The following TSPAN12 variants were observed in gnomAD, a reference collection of about 807,000 sequenced individuals.
TSPAN12 encodes the protein tetraspanin-12.
A neutral mutation model predicts 39.2 loss-of-function variants in TSPAN12; 19 were observed. That is an observed-to-expected ratio of 0.49 (90% CI 0.34 to 0.71). The LOEUF is 0.71. TSPAN12 is among the 30% of genes least tolerant of loss of function. The pLI is 0.01. For synonymous variants in TSPAN12, 119 were observed against 124.8 expected (o/e 0.95, Z 0.31); for missense variants, 314 against 359.9 (o/e 0.87, Z 1.03).
intron 4 of TSPAN12, among the ~76,000 whole-genome samples, chr7:120,829,681 G>A (rs1159769913): frequency 6.6e-6 from 1 of 152,084 alleles, no homozygotes; most frequent in East Asian, 1.9e-4. Context: ...ATTCACAGGT[G>A]GAATGAACAT....
At chr7:120,845,542 T>A (rs1794654717) in intron 2 of TSPAN12, among the ~76,000 whole-genome samples, 1 of 152,220 alleles carries the variant, frequency 6.6e-6, no homozygotes, top group Non-Finnish European at 1.5e-5. Flanking sequence ...ACTTTCCTGC[T>A]TAGAAATTTG....
chr7:120,821,030 C>T (rs1794178418), intron 4 of TSPAN12, among the ~76,000 whole-genome samples: 1 of 151,996 alleles, frequency 6.6e-6, no homozygotes. Context: ...CAAGTTACTA[C>T]CATCTAAACA....
At chr7:120,822,640 G>C (rs372926457) in intron 4 of TSPAN12, among the ~76,000 whole-genome samples, 2 of 152,046 alleles carry the variant, frequency 1.3e-5, no homozygotes, top group African/African-American at 2.4e-5. Context: ...CTCAGGTATT[G>C]GCAGCCCTGA....
At chr7:120,798,837 C>T (rs1404254835) in intron 7 of TSPAN12, among the ~76,000 whole-genome samples, 1 of 152,006 alleles carries the variant, frequency 6.6e-6, no homozygotes, top group Non-Finnish European at 1.5e-5. Flanking sequence ...CCTGTGCCAC[C>T]CTAATATTTT....
At chr7:120,846,562 T>C (rs758859447) in intron 2 of TSPAN12, among the ~76,000 whole-genome samples, 2 of 152,238 alleles carry the variant, frequency 1.3e-5, no homozygotes, top group African/African-American at 4.8e-5. Context: ...AGACATTTCT[T>C]ATATGGCAGG....
chr7:120,793,843 T>A (rs891024569), intron 7 of TSPAN12, among the ~76,000 whole-genome samples: 1 of 152,246 alleles, frequency 6.6e-6, no homozygotes, highest in Non-Finnish European at 1.5e-5. Flanking sequence ...CTCTATAAAA[T>A]TTGTGAAAAA....
At chr7:120,822,487 A>G (rs1291010426) in intron 4 of TSPAN12, among the ~76,000 whole-genome samples, 1 of 152,104 alleles carries the variant, frequency 6.6e-6, no homozygotes, top group Non-Finnish European at 1.5e-5. Flanking sequence ...AAACTGAAAA[A>G]AGGAAAAAGA....
chr7:120,792,752 CAAAT>C (rs1793555636), intron 7 of TSPAN12, among the ~76,000 whole-genome samples: 1 of 152,146 alleles, frequency 6.6e-6, no homozygotes, highest in Non-Finnish European at 1.5e-5. Flanking sequence ...ATCGAACCGA[CAAAT>C]AAACACAGCA....
At chr7:120,825,184 TCAC>T (rs1343012127) in intron 4 of TSPAN12, among the ~76,000 whole-genome samples, 3 of 152,162 alleles carry the variant, frequency 2.0e-5, no homozygotes, top group African/African-American at 7.2e-5. Flanking sequence ...AGCAGATAAT[TCAC>T]CAAGTATCAC....
chr7:120,810,431 ACTCT>A (rs1562941690), intron 6 of TSPAN12, 28 bp downstream of exon 6: 2 of 1,356,820 alleles, frequency 1.5e-6, no homozygotes, highest in East Asian at 2.3e-5. Context: ...CACTTACTTC[ACTCT>A]CTCTACCTCA....
chr7:120,822,976 G>GA (rs1794216265), intron 4 of TSPAN12, among the ~76,000 whole-genome samples: 1 of 152,048 alleles, frequency 6.6e-6, no homozygotes, highest in South Asian at 2.1e-4. Flanking sequence ...AAATTCTGAG[G>GA]AAAAAAGTTA....
intron 5 of TSPAN12, chr7:120,814,291 C>A (rs1794038889): frequency 2.2e-6 from 1 of 456,334 alleles, no homozygotes; most frequent in Non-Finnish European, 4.4e-6. Context: ...TGGAGACTTA[C>A]TACACTTTAA....
At chr7:120,804,670 T>C (rs528480514) in intron 7 of TSPAN12, among the ~76,000 whole-genome samples, 15 of 152,238 alleles carry the variant, frequency 9.9e-5, no homozygotes, top group African/African-American at 3.6e-4. Flanking sequence ...TTGGATTATG[T>C]CCTCCCAAAA....
chr7:120,814,872 G>A (rs1794050306), intron 5 of TSPAN12, among the ~76,000 whole-genome samples: 1 of 152,196 alleles, frequency 6.6e-6, no homozygotes. Flanking sequence ...CAAACACACA[G>A]CAACTCTTCA....
At chr7:120,841,436 G>A (rs1638567926) in intron 2 of TSPAN12, among the ~76,000 whole-genome samples, 1 of 151,930 alleles carries the variant, frequency 6.6e-6, no homozygotes, top group Admixed American at 6.6e-5. Context: ...AAAACAAAAA[G>A]GAGAGAAGGA....
chr7:120,836,238 G>A (rs1199654170), intron 4 of TSPAN12, among the ~76,000 whole-genome samples: 1 of 152,204 alleles, frequency 6.6e-6, no homozygotes, highest in Non-Finnish European at 1.5e-5. Context: ...TTGGTTGTGA[G>A]TGATAGATAC....
rs1346772337 is a variant in TSPAN12 at position 120,849,827 on chromosome 7, TC to T, written c.66+6870del. On this transcript the variant is annotated intron_variant, in intron 2 of 7. Coordinates refer to ENST00000222747, the MANE Select transcript of TSPAN12 (RefSeq NM_012338.4). ...ACCTGGAACTCCTGGGCTCAACTGA[TC>T]CTCCTGCCTTGGCCTCCCAAGTGCT... 3.3e-5 allele frequency among the ~76,000 whole-genome samples: 5 copies of T among 152,344 alleles called. No individual in the cohort carries two copies. In the East Asian group the frequency reaches 9.6e-4, roughly 29 times the overall value.
intron 4 of TSPAN12, among the ~76,000 whole-genome samples, chr7:120,819,016 G>A (rs1584936885): frequency 6.6e-6 from 1 of 151,924 alleles, no homozygotes. Context: ...CTACATACTG[G>A]ATCACTTTTC....
Position 120,793,146 on chromosome 7 carries a change from T to C in TSPAN12, c.613-4249A>G, listed in dbSNP as rs531534901. 1.2e-3 allele frequency among the ~76,000 whole-genome samples: 176 copies of C among 152,328 alleles called. 1 individual carries two copies. Among genetic ancestry groups the C allele is most frequent in the South Asian group, 8.7e-3 (42 of 4,826 alleles). On this transcript the variant is annotated intron_variant, in intron 7 of 7. Transcript: ENST00000222747. ...TCCTCTCTAGGCTAAATAGTCCTAG[T>C]TTTCAAGTTTTCCAAATATGTACAC...
Sources: gnomAD v4.1 joint callset for allele counts (sites outside exome capture counted in the v4.1 genomes callset) on GRCh38, gnomAD v4.1.1 for gene constraint, MANE v1.5 for transcripts, NCBI Gene and HGNC (gene_info 2026-07-23, HGNC 2026-07-21) for gene names.